The following TRPM6 variants were observed in gnomAD, a reference collection of about 807,000 sequenced individuals.
The protein encoded by TRPM6 is transient receptor potential cation channel subfamily M member 6.
Under a neutral mutation model 247.6 loss-of-function variants are expected in TRPM6, and 111 were observed. That is an observed-to-expected ratio of 0.45 (90% confidence interval 0.38 to 0.52). The LOEUF (loss-of-function observed/expected upper bound fraction) is 0.52. Among genes scored for constraint, TRPM6 ranks in the 20% least tolerant of loss-of-function variants. The pLI is 0.00. For synonymous variants in TRPM6, 892 were observed against 853.8 expected (o/e 1.04, Z -0.78); for missense variants, 2,126 against 2,421.5 (o/e 0.88, Z 2.56).
Position 74,792,562 on chromosome 9 carries a change from C to A in TRPM6, c.2538+62G>T, listed in dbSNP as rs73650077. ...CAAAGTGGCAAATCAGGCATATTAT[C>A]AACATCATCACTAGCTATCAATCAT... On this transcript the variant is annotated intron_variant, in intron 19 of 38. Transcript: ENST00000360774. 9,187 of 1,557,486 alleles carry A rather than the reference C, an allele frequency of 5.9e-3. 438 individuals carry two copies. The African/African-American group carries it at 0.11, about 18-fold the overall frequency.
chr9:74,771,068 C>T (rs781269234), intron 25 of TRPM6, among the ~76,000 whole-genome samples: 2 of 152,170 alleles, frequency 1.3e-5, no homozygotes, highest in Non-Finnish European at 1.5e-5. Flanking sequence ...CTCCTCCTCC[C>T]CTCTGGCTGC....
In TRPM6 at chr9:74,759,411, C is replaced by A. The variant is rs563998926; in HGVS notation, c.4785+2285G>T. Among the ~76,000 whole-genome samples, 171 of 152,168 alleles carry A rather than the reference C, an allele frequency of 1.1e-3. 3 individuals carry two copies. The highest frequency in any genetic ancestry group is 3.8e-3 in the African/African-American group (156 of 41,520). ...GCATAGAGATAGAAATTGATCCATACATATTGTGATCTATATGGTCAATTA... is the reference window on the plus strand; with the variant it reads ...GCATAGAGATAGAAATTGATCCATAAATATTGTGATCTATATGGTCAATTA... On this transcript the variant is annotated intron_variant, in intron 27 of 38. Transcript: ENST00000360774.
chr9:74,736,248 C>T (rs927836689), intron 36 of TRPM6, among the ~76,000 whole-genome samples: 5 of 152,264 alleles, frequency 3.3e-5, no homozygotes, highest in South Asian at 2.1e-4. Flanking sequence ...GTTGCTCCTC[C>T]GTGTTATGCA....
chr9:74,750,767 C>A, intron 29 of TRPM6, 45 bp from the exon 30 acceptor site: 1 of 1,570,172 alleles, frequency 6.4e-7, no homozygotes, highest in South Asian at 1.1e-5. Context: ...CAACATAGTC[C>A]CACCCCAAGT....
chr9:74,856,409 C>T (rs1317708898), intron 2 of TRPM6, among the ~76,000 whole-genome samples: 1 of 151,508 alleles, frequency 6.6e-6, no homozygotes, highest in Non-Finnish European at 1.5e-5. Flanking sequence ...CACTGTACTG[C>T]AACGTGGGGG....
chr9:74,861,429 C>T (rs561791340), intron 1 of TRPM6, among the ~76,000 whole-genome samples: 51 of 152,244 alleles, frequency 3.3e-4, no homozygotes, highest in African/African-American at 8.7e-4. Context: ...GCCTCTGGGA[C>T]AAGTTCAAGG....
At chr9:74,791,979 A>C (rs7026967) in intron 19 of TRPM6, among the ~76,000 whole-genome samples, 1 of 151,912 alleles carries the variant, frequency 6.6e-6, no homozygotes, top group South Asian at 2.1e-4. Context: ...GGATGGTCTC[A>C]ATCTCCTGAC....
Position 74,816,795 on chromosome 9 carries a change from T to C in TRPM6, c.1208-26A>G, listed in dbSNP as rs774280082. On this transcript the variant is annotated intron_variant, in intron 10 of 38. Transcript: ENST00000360774. Reference sequence around the variant, plus strand: ...CTAGGGTAAAAGAAAGGAACAATCATATATTCTTTTCAAGATATCTACGCA... The same window carrying C: ...CTAGGGTAAAAGAAAGGAACAATCACATATTCTTTTCAAGATATCTACGCA... 17 of 1,611,904 alleles carry C rather than the reference T, an allele frequency of 1.1e-5. No individual in the cohort carries two copies. The South Asian group carries it at 1.8e-4, about 17-fold the overall frequency.
In TRPM6 at chr9:74,756,029, C is replaced by A. The variant is rs180979699; in HGVS notation, c.4786-556G>T. ...AATAATATGACCGTCCTATATACTT[C>A]CGAGCTGCAGAACAAATGCGGTAAA... On this transcript the variant is annotated intron_variant, in intron 27 of 38. Coordinates refer to ENST00000360774, the MANE Select transcript of TRPM6 (RefSeq NM_017662.5). 1.2e-4 allele frequency among the ~76,000 whole-genome samples: 18 copies of A among 152,278 alleles called. No individual in the cohort carries two copies. The East Asian group carries it at 3.3e-3, about 28-fold the overall frequency.
At chr9:74,726,219 G>A (rs1424511446) in intron 38 of TRPM6, among the ~76,000 whole-genome samples, 1 of 152,178 alleles carries the variant, frequency 6.6e-6, no homozygotes, top group African/African-American at 2.4e-5. Context: ...TGGAATTATT[G>A]AATTACTCAA....
At chr9:74,763,282 A>G in intron 25 of TRPM6, 148 bp from the exon 26 acceptor site, 1 of 768,890 alleles carries the variant, frequency 1.3e-6, no homozygotes, top group Non-Finnish European at 2.2e-6. Flanking sequence ...TCTTCGCCCA[A>G]TACATAACTC....
intron 28 of TRPM6, among the ~76,000 whole-genome samples, chr9:74,753,834 G>T (rs1273687671): frequency 1.3e-5 from 2 of 152,030 alleles, no homozygotes; most frequent in East Asian, 3.9e-4. Flanking sequence ...TCTGGATGTG[G>T]TTCAAGAAAG....
intron 1 of TRPM6, among the ~76,000 whole-genome samples, chr9:74,869,878 C>A (rs980667571): frequency 1.3e-5 from 2 of 152,136 alleles, no homozygotes; most frequent in Non-Finnish European, 2.9e-5. Flanking sequence ...AATCTTATAT[C>A]TCTGATAGAT....
chr9:74,743,631 GACATCTT>G, intron 32 of TRPM6, among the ~76,000 whole-genome samples: 1 of 152,160 alleles, frequency 6.6e-6, no homozygotes, highest in East Asian at 1.9e-4. Context: ...CAAGACCCTT[GACATCTT>G]TGTTTAATAA....
Position 74,743,970 on chromosome 9 carries a change from T to C in TRPM6, c.5134+125A>G, listed in dbSNP as rs1252991684. The C allele has an allele frequency of 2.0e-5, 19 of 929,318 alleles. No homozygotes were observed. In the Admixed American group the frequency reaches 3.5e-4, roughly 17 times the overall value. 57.6% of individuals were successfully genotyped at this position (929,318 alleles called of 1,614,324 possible). A position where few individuals can be genotyped will look rare whatever the true frequency, so the allele number is the denominator to read the frequency against. On this transcript the variant is annotated intron_variant, in intron 32 of 38. Transcript: ENST00000360774. ...AATTGGAATGTTCTTCCCATCAAAG[T>C]GAACAATAACTTTTCAAGTCGCGAG...
intron 7 of TRPM6, among the ~76,000 whole-genome samples, chr9:74,822,334 C>T (rs913755443): frequency 2.6e-5 from 4 of 151,972 alleles, no homozygotes; most frequent in South Asian, 2.1e-4. Flanking sequence ...ACTGCAGCCT[C>T]GACTTACCAG....
At chr9:74,765,363 A>C (rs1436980388) in intron 25 of TRPM6, among the ~76,000 whole-genome samples, 2 of 151,924 alleles carry the variant, frequency 1.3e-5, no homozygotes, top group Admixed American at 6.6e-5. Flanking sequence ...AAAAAAAAAA[A>C]ACAGGATACA....
At chr9:74,768,315 G>A (rs1587484921) in intron 25 of TRPM6, among the ~76,000 whole-genome samples, 1 of 152,180 alleles carries the variant, frequency 6.6e-6, no homozygotes, top group East Asian at 1.9e-4. Flanking sequence ...TTGCTTCCTG[G>A]GCATAATCGC....
At chr9:74,774,036 G>A (rs148722929) in intron 24 of TRPM6, among the ~76,000 whole-genome samples, 26 of 152,270 alleles carry the variant, frequency 1.7e-4, no homozygotes, top group African/African-American at 4.1e-4. Context: ...AATGACAGGC[G>A]CAGCTTGCAG....
Sources: allele counts gnomAD v4.1 joint callset (sites outside exome capture counted in the v4.1 genomes callset), GRCh38; gene constraint gnomAD v4.1.1; transcripts MANE v1.5; gene names NCBI Gene and HGNC (gene_info 2026-07-23, HGNC 2026-07-21).